COL18A1: variants seen among roughly 807,000 people sequenced by gnomAD.
COL18A1 encodes the protein collagen type XVIII alpha 1 chain, also known as collagen alpha-1(XVIII) chain.
Under a neutral mutation model 168.0 loss-of-function variants are expected in COL18A1, and 133 were observed. The observed-to-expected ratio is 0.79, with a 90% CI of 0.69 to 0.91. The LOEUF is 0.91. Ranked by LOEUF, COL18A1 falls within the 40% of genes least tolerant of loss-of-function variation. The pLI is 0.00. For missense variants in COL18A1, 2,126 were observed against 1,925.4 expected (o/e 1.10, Z -1.95); for synonymous variants, 949 against 809.0 (o/e 1.17, Z -2.94).
intron 2 of COL18A1, among the ~76,000 whole-genome samples, chr21:45,451,209 G>C (rs148361961): frequency 6.6e-6 from 1 of 152,342 alleles, no homozygotes; most frequent in East Asian, 1.9e-4. Context: ...CCAGATGGCC[G>C]GCCAGCGGGG....
chr21:45,420,589 A>T (rs2033590977), intron 2 of COL18A1: 1 of 152,218 alleles, frequency 6.6e-6, no homozygotes, highest in Non-Finnish European at 1.5e-5. Context: ...TTATATCTAG[A>T]GAACCAGGGG....
intron 18 of COL18A1, among the ~76,000 whole-genome samples, chr21:45,489,132 T>C (rs1367480199): frequency 6.6e-6 from 1 of 152,234 alleles, no homozygotes; most frequent in Non-Finnish European, 1.5e-5. Context: ...TTGCTTTCAT[T>C]TGCAAGACAT....
chr21:45,505,156 G>A lies in COL18A1; in HGVS notation c.2891G>A (p.Arg964Gln), dbSNP rs762825455. 4.5e-5 allele frequency: 73 copies of A among 1,608,698 alleles called. No individual in the cohort carries two copies. The highest frequency in any genetic ancestry group is 8.4e-5 in the Admixed American group (5 of 59,484). ...TAGGGTCCCAAGGGAGAGAGCATCC[G>A]GGGCCAGCCCGGCCCACCTGGACCT... The part of the protein sequence containing the change: ...GIPGPKGESI[R>Q]GQPGPPGPQG... The change falls in exon 35 of 42, where the codon CGG (arginine) becomes CAG (glutamine). Residue 964 changes from arginine to glutamine, a missense_variant. Coordinates refer to ENST00000651438, the MANE Select transcript of COL18A1 (RefSeq NM_001379500.1).
chr21:45,456,475 T>A (rs1197175822), intron 2 of COL18A1: 1 of 1,545,820 alleles, frequency 6.5e-7, no homozygotes, highest in East Asian at 2.5e-5. Context: ...TGGGGCCGGG[T>A]CTTGCTAATA....
chr21:45,459,483 C>T (rs557344723), intron 2 of COL18A1, among the ~76,000 whole-genome samples: 6 of 152,218 alleles, frequency 3.9e-5, no homozygotes, highest in East Asian at 1.9e-4. Context: ...GCCTCCTGCC[C>T]GGCTCCATCT....
intron 2 of COL18A1, among the ~76,000 whole-genome samples, chr21:45,440,212 C>G (rs950402871): frequency 6.6e-6 from 1 of 152,250 alleles, no homozygotes; most frequent in Admixed American, 6.5e-5. Flanking sequence ...CACCTGTGCA[C>G]ACAGGCTCCC....
chr21:45,481,777 C>T (rs1379794491), intron 13 of COL18A1, among the ~76,000 whole-genome samples, 186 bp from the exon 14 acceptor site: 2 of 152,248 alleles, frequency 1.3e-5, no homozygotes, highest in African/African-American at 4.8e-5. Context: ...GCCAATGTGG[C>T]CGCGAAACTG....
At chr21:45,499,444 CGTGTGG>C (rs879584826) in intron 32 of COL18A1, among the ~76,000 whole-genome samples, 9,594 of 141,248 alleles carry the variant, frequency 0.068, 670 homozygotes, top group Middle Eastern at 0.13. Context: ...CGCGGGAACC[CGTGTGG>C]GCTGCCCCGC....
intron 14 of COL18A1, 63 bp from the exon 15 acceptor site, chr21:45,482,732 G>A: frequency 6.2e-7 from 1 of 1,613,644 alleles, no homozygotes; most frequent in Non-Finnish European, 8.5e-7. Flanking sequence ...AGGGCGATGT[G>A]CCTTCCTCTG....
intron 32 of COL18A1, among the ~76,000 whole-genome samples, chr21:45,499,588 A>G (rs2036669561): frequency 6.6e-6 from 1 of 152,082 alleles, no homozygotes; most frequent in Admixed American, 6.5e-5. Flanking sequence ...CCCGCATGGC[A>G]TCCCAGGAAC....
intron 26 of COL18A1, chr21:45,494,299 G>T: frequency 1.8e-6 from 1 of 543,448 alleles, no homozygotes; most frequent in East Asian, 3.4e-5. Flanking sequence ...ATGCATGCAC[G>T]CACCAACCTG....
intron 2 of COL18A1, among the ~76,000 whole-genome samples, chr21:45,438,068 ACT>A (rs1351109381): frequency 8.8e-5 from 11 of 125,472 alleles, no homozygotes; most frequent in African/African-American, 2.0e-4. Context: ...TCACACTCAC[ACT>A]CAGACAAGCA....
intron 2 of COL18A1, among the ~76,000 whole-genome samples, chr21:45,439,023 C>T (rs2034295862): frequency 6.6e-6 from 1 of 152,230 alleles, no homozygotes; most frequent in African/African-American, 2.4e-5. Context: ...CCGTTCCCAG[C>T]GCAAAGAAAG....
rs141415674 is a variant in COL18A1 at position 45,414,392 on chromosome 21, C to T, written c.106+8919C>T. 6.8e-3 allele frequency among the ~76,000 whole-genome samples: 1,033 copies of T among 152,384 alleles called. 9 individuals are homozygous for T. The highest frequency in any genetic ancestry group is 0.047 in the East Asian group (245 of 5,186). On this transcript the variant is annotated intron_variant, in intron 2 of 41. Transcript: ENST00000651438. Reference sequence around the variant, plus strand: ...ACTTCACCCCCAAAGGAATGGGCTCCAGTCCGACCTACTCAGGTTGTTAGT... The same window carrying T: ...ACTTCACCCCCAAAGGAATGGGCTCTAGTCCGACCTACTCAGGTTGTTAGT...
rs752000765 is a variant in COL18A1 at position 45,476,314 on chromosome 21, G to A, written c.799-37G>A. On this transcript the variant is annotated intron_variant, in intron 5 of 41. Coordinates refer to ENST00000651438, the MANE Select transcript of COL18A1 (RefSeq NM_001379500.1). ...AGCAAGTCTCCACCGGGCATCTGCC[G>A]GCCGAATAACAGGCCACCTCCCCTC... is the stretch of plus-strand genomic sequence containing the variant. 27 of 1,612,976 alleles carry A rather than the reference G, an allele frequency of 1.7e-5. No individual in the cohort carries two copies. The Middle Eastern group carries it at 5.0e-4, about 30-fold the overall frequency.
At position 45,512,437 on chromosome 21, in the gene COL18A1, C is replaced by G. The variant is rs1402212642; in HGVS notation, c.*39C>G. The G allele has an allele frequency of 6.3e-7, 1 of 1,587,714 alleles. No individual in the cohort carries two copies. Among genetic ancestry groups the G allele is most frequent in the African/African-American group, 1.3e-5 (1 of 74,556 alleles). On this transcript the variant is annotated 3_prime_UTR_variant, in exon 42 of 42. Transcript: ENST00000651438. ...GCGGATGGCCGGAGAGGACCGGCGG[C>G]TCGGAGGAAGCCCCCACCGTGGGCA... is the stretch of plus-strand genomic sequence containing the variant.
intron 2 of COL18A1, among the ~76,000 whole-genome samples, chr21:45,409,469 C>A (rs1289621434): frequency 6.6e-6 from 1 of 152,100 alleles, no homozygotes; most frequent in African/African-American, 2.4e-5. Context: ...TTATCCAAGG[C>A]CTCCCAGGCC....
intron 4 of COL18A1, 82 bp downstream of exon 4, chr21:45,474,063 A>G (rs1156544142): frequency 5.3e-6 from 6 of 1,140,632 alleles, no homozygotes; most frequent in African/African-American, 4.6e-5. Context: ...ATGACAGGAA[A>G]AGTCCCAAAA....
intron 2 of COL18A1, among the ~76,000 whole-genome samples, chr21:45,438,383 C>G (rs2034275622): frequency 9.5e-6 from 1 of 105,450 alleles, no homozygotes; most frequent in South Asian, 2.7e-4. Flanking sequence ...CACACACACA[C>G]TCACACACTC....
Sources: allele counts gnomAD v4.1 joint callset (sites outside exome capture counted in the v4.1 genomes callset), GRCh38; gene constraint gnomAD v4.1.1; transcripts MANE v1.5; gene names NCBI Gene and HGNC (gene_info 2026-07-23, HGNC 2026-07-21).